Variants in THBS2 observed in about 807,000 individuals in gnomAD.
The protein encoded by THBS2 is thrombospondin 2.
Under a neutral mutation model 135.2 loss-of-function variants are expected in THBS2, and 47 were observed. The observed-to-expected ratio is 0.35, with a 90% CI of 0.28 to 0.44. THBS2 has a LOEUF of 0.44. Among genes scored for constraint, THBS2 ranks in the 20% least tolerant of loss-of-function variants. THBS2 has a pLI of 1.00. For missense variants in THBS2, 1,288 were observed against 1,603.1 expected, an observed-to-expected ratio of 0.80 and a Z score of 3.36; for synonymous variants, 639 against 633.8, an observed-to-expected ratio of 1.01 and a Z score of -0.12.
chr6:169,241,984 G>T lies in THBS2; in HGVS notation c.695-26C>A. On this transcript the variant is annotated intron_variant, in intron 4 of 21. Transcript: ENST00000617924. The surrounding 1 kb of genome is among the most constrained non-coding windows in gnomAD (Gnocchi z 5.5). Reference sequence around the variant, plus strand: ...CTGAGGGCAAGCGTAGAAGGGCCGTGAGCATCACAGAGGACGGGGCCAGCA... The same window carrying T: ...CTGAGGGCAAGCGTAGAAGGGCCGTTAGCATCACAGAGGACGGGGCCAGCA... The T allele has an allele frequency of 6.3e-7, 1 of 1,587,386 alleles. No individual in the cohort carries two copies. Among genetic ancestry groups the T allele is most frequent in the South Asian group, 1.1e-5 (1 of 89,596 alleles).
intron 20 of THBS2, among the ~76,000 whole-genome samples, chr6:169,221,140 G>GAA (rs565905602): frequency 1.8e-4 from 27 of 152,332 alleles, no homozygotes; most frequent in Admixed American, 5.2e-4. Context: ...CAAAGATGCA[G>GAA]TTATTTTAAT....
At chr6:169,221,281 A>G (rs904958471) in intron 20 of THBS2, 149 bp downstream of exon 20, 1 of 653,708 alleles carries the variant, frequency 1.5e-6, no homozygotes, top group Non-Finnish European at 2.7e-6. Context: ...GAGATGCAGG[A>G]TAGAAAAGAG....
rs1583424545 is a variant in THBS2, at chr6:169,252,460, G to A, written c.-23+1264C>T. ...GCCCTGCAGAGGCCAGCCAAGAACA[G>A]GATGGTAAATGCGAAAGTTCTGGAT... On this transcript the variant is annotated intron_variant, in intron 1 of 21. Coordinates refer to ENST00000617924, the MANE Select transcript of THBS2 (RefSeq NM_003247.5). This position sits in a 1 kb window ranked among gnomAD's most constrained non-coding sequence, Gnocchi z 4.3. Among the ~76,000 whole-genome samples the A allele has an allele frequency of 2.6e-5, 4 of 152,362 alleles. No homozygotes were observed. In the South Asian group the frequency reaches 6.2e-4, roughly 24 times the overall value.
At chr6:169,243,769 G>C (rs1469358652) in intron 4 of THBS2, among the ~76,000 whole-genome samples, 3 of 152,184 alleles carry the variant, frequency 2.0e-5, no homozygotes, top group African/African-American at 7.2e-5. Context: ...CTCTGGCTCT[G>C]ACAGGAATGT....
chr6:169,240,636 C>T (rs1340385063), intron 5 of THBS2, 44 bp from the exon 6 acceptor site: 1 of 1,586,464 alleles, frequency 6.3e-7, no homozygotes, highest in South Asian at 1.1e-5. Flanking sequence ...AATAATACTA[C>T]ATATTTAGTC....
intron 18 of THBS2, 49 bp from the exon 19 acceptor site, chr6:169,222,517 G>A (rs776905275): frequency 1.8e-5 from 28 of 1,578,384 alleles, no homozygotes; most frequent in South Asian, 7.1e-5. Context: ...TCAGGTGGCC[G>A]GGAGTAGTGA....
chr6:169,250,808 TGGGAATACA>T lies in THBS2; in HGVS notation c.-22-11_-22-3del. ...ATCCTGCCTCCTGCAGCTGAGCTCC[TGGGAATACA>T]GGAAACCCTTGTTAGTGATGAGTCC... On this transcript the variant is annotated splice_polypyrimidine_tract_variant and splice_region_variant and intron_variant, in intron 1 of 21. Transcript: ENST00000617924. 1 of 1,610,502 alleles carries T rather than the reference TGGGAATACA, an allele frequency of 6.2e-7. No individual in the cohort carries two copies. Among genetic ancestry groups the T allele is most frequent in the Non-Finnish European group, 8.5e-7 (1 of 1,178,198 alleles).
At chr6:169,243,360 AG>A (rs1780440853) in intron 4 of THBS2, among the ~76,000 whole-genome samples, 1 of 152,250 alleles carries the variant, frequency 6.6e-6, no homozygotes, top group South Asian at 2.1e-4. Context: ...AGTTGCAGTC[AG>A]GGCCCAGGCT....
Position 169,221,415 on chromosome 6 carries a change from C to T in THBS2, c.3371+15G>A. The T allele has an allele frequency of 2.5e-6, 4 of 1,612,424 alleles. No individual in the cohort carries two copies. Among genetic ancestry groups the T allele is most frequent in the African/African-American group, 2.7e-5 (2 of 75,020 alleles). ...GCCCCTTGGAAGAAATGCAGCTGTG[C>T]TGACCTGCCCTCACCTGATGTAGCC... is the stretch of plus-strand genomic sequence containing the variant. On this transcript the variant is annotated intron_variant, in intron 20 of 21. Coordinates refer to ENST00000617924, the MANE Select transcript of THBS2 (RefSeq NM_003247.5).
At chr6:169,249,180 T>G (rs1780673748) in intron 2 of THBS2, among the ~76,000 whole-genome samples, 1 of 152,028 alleles carries the variant, frequency 6.6e-6, no homozygotes, top group South Asian at 2.1e-4. Context: ...CTACTCAGAG[T>G]GTGGGCCCAA....
chr6:169,216,247 T>C lies in THBS2; in HGVS notation c.*1575A>G, dbSNP rs779001664. 9 of 152,206 alleles carry C rather than the reference T, an allele frequency of 5.9e-5. No homozygotes were observed. The highest frequency in any genetic ancestry group is 1.3e-4 in the Non-Finnish European group (9 of 68,032). The allele number at this position is 152,206 out of a possible 1,614,324, so 9.4% of individuals were successfully genotyped here. ...AATGTGTACATTAAGACTAAAGTTA[T>C]GGATTGTTCCTGTTTGGCATAGAAA... On this transcript the variant is annotated 3_prime_UTR_variant, in exon 22 of 22. Transcript: ENST00000617924.
chr6:169,217,891 A>ATTTTG, intron 21 of THBS2, 62 bp from the exon 22 acceptor site: 3 of 1,515,382 alleles, frequency 2.0e-6, no homozygotes, highest in Non-Finnish European at 2.7e-6. Flanking sequence ...GTAGTGATTT[A>ATTTTG]TTTTGTTTTA....
chr6:169,219,159 G>A (rs1779319088), intron 21 of THBS2, among the ~76,000 whole-genome samples: 1 of 149,036 alleles, frequency 6.7e-6, no homozygotes, highest in Admixed American at 6.6e-5. Context: ...ATAGATGAGT[G>A]AGTGGGGGTG....
chr6:169,249,013 A>C, intron 2 of THBS2, 40 bp from the exon 3 acceptor site: 1 of 1,557,640 alleles, frequency 6.4e-7, no homozygotes, highest in Non-Finnish European at 8.7e-7. Flanking sequence ...GACGTAGGGG[A>C]AGAGGGCGAG....
Position 169,241,774 on chromosome 6 carries a change from G to A in THBS2, c.879C>T (p.Asn293=). The A allele has an allele frequency of 6.2e-7, 1 of 1,609,608 alleles. No homozygotes were observed. Among genetic ancestry groups the A allele is most frequent in the Non-Finnish European group, 8.5e-7 (1 of 1,177,554 alleles). ...CGTGAGTACCCACCACTCTCTTGAGGTTCTCGCTGAGCTGGTTCACGAGGA... is the reference window on the plus strand; with the variant it reads ...CGTGAGTACCCACCACTCTCTTGAGATTCTCGCTGAGCTGGTTCACGAGGA... ...LHVLVNQLSE[N]LKRVSNDNQF... Residue 293 remains asparagine, a synonymous_variant, in exon 5 of 22, where the codon AAC becomes AAT. Transcript: ENST00000617924. The surrounding 1 kb of genome is among the most constrained non-coding windows in gnomAD (Gnocchi z 5.5).
intron 14 of THBS2, among the ~76,000 whole-genome samples, chr6:169,228,922 AAG>A (rs1491041212): frequency 1.3e-4 from 19 of 148,044 alleles, no homozygotes; most frequent in East Asian, 3.9e-4. Flanking sequence ...AAAAAAAAAA[AAG>A]AGTTAGCCCT....
rs370664501 is a variant in THBS2 at position 169,241,801 on chromosome 6, G to A, written c.852C>T (p.His284=). Residue 284 remains histidine, a synonymous_variant, in exon 5 of 22, where the codon CAC becomes CAT. Transcript: ENST00000617924. This position sits in a 1 kb window ranked among gnomAD's most constrained non-coding sequence, Gnocchi z 5.5. ...GNMVQELSGL[H]VLVNQLSENL... is the part of the protein sequence containing the mutation. ...TCTCGCTGAGCTGGTTCACGAGGAC[G>A]TGGAGCCCCGAGAGCTCCTGGACCA... 5.3e-5 allele frequency: 86 copies of A among 1,612,032 alleles called. No individual in the cohort carries two copies. Among genetic ancestry groups the A allele is most frequent in the Non-Finnish European group, 6.4e-5 (75 of 1,179,394 alleles).
chr6:169,220,138 C>T (rs563412424), intron 21 of THBS2, 60 bp downstream of exon 21: 3 of 1,583,766 alleles, frequency 1.9e-6, no homozygotes, highest in Non-Finnish European at 2.6e-6. Context: ...GCACTGTGTA[C>T]CCCTTTCCCT....
chr6:169,221,679 A>G (rs1779435854), intron 19 of THBS2, 152 bp from the exon 20 acceptor site: 1 of 697,176 alleles, frequency 1.4e-6, no homozygotes, highest in South Asian at 1.7e-5. Flanking sequence ...TTATCATCCA[A>G]ATCTCTACTG....
Sources: allele counts gnomAD v4.1 joint callset (sites outside exome capture counted in the v4.1 genomes callset), GRCh38; gene constraint gnomAD v4.1.1; non-coding constraint Gnocchi (gnomAD v3.1); transcripts MANE v1.5; gene names NCBI Gene and HGNC (gene_info 2026-07-23, HGNC 2026-07-21).